DMRT1: variants seen among roughly 807,000 people sequenced by gnomAD.
DMRT1 encodes doublesex- and mab-3-related transcription factor 1.
DMRT1 carries 7 observed loss-of-function variants against 32.3 expected under a neutral mutation model. The observed-to-expected ratio is 0.22, with a 90% CI of 0.12 to 0.41. DMRT1 has a LOEUF of 0.41. Ranked by LOEUF, DMRT1 falls within the 10% of genes least tolerant of loss-of-function variation. The pLI is 1.00. For missense variants in DMRT1, 625 were observed against 500.5 expected, an observed-to-expected ratio of 1.25 and a Z score of -2.37; for synonymous variants, 278 against 206.1, an observed-to-expected ratio of 1.35 and a Z score of -2.99.
At chr9:963,251 A>G (rs570420258) in intron 4 of DMRT1, among the ~76,000 whole-genome samples, 4 of 152,272 alleles carry the variant, frequency 2.6e-5, no homozygotes, top group African/African-American at 9.6e-5. Context: ...TTCTCTCTAC[A>G]ATACGCAAAG....
rs767345718 is a variant in DMRT1, at chr9:926,686, G to GGA, written c.967+9779_967+9780insGA. 6.8e-4 allele frequency among the ~76,000 whole-genome samples: 102 copies of GGA among 149,094 alleles called. 1 individual carries two copies. The South Asian group carries it at 0.02, about 29-fold the overall frequency. On this transcript the variant is annotated intron_variant, in intron 4 of 4. Transcript: ENST00000382276. ...AGATTGCAGCCTAGAGAAGACACAG[G>GGA]TAGAGAGAGAGAGAGAGAGAGAGAG...
Position 968,336 on chromosome 9 carries a change from T to G in DMRT1, c.*197T>G, listed in dbSNP as rs970179962. 3.0e-5 allele frequency: 18 copies of G among 595,114 alleles called. No homozygotes were observed. Among genetic ancestry groups the G allele is most frequent in the Non-Finnish European group, 4.7e-5 (16 of 339,602 alleles). 36.9% of individuals were successfully genotyped at this position (595,114 alleles called of 1,614,324 possible). A position where few individuals can be genotyped will look rare whatever the true frequency, so the allele number is the denominator to read the frequency against. ...GGTCCGTGACTACCATCTGCATGGTTTAAGTGCTTTACTCACGGAGTTTAA... is the reference window on the plus strand; with the variant it reads ...GGTCCGTGACTACCATCTGCATGGTGTAAGTGCTTTACTCACGGAGTTTAA... On this transcript the variant is annotated 3_prime_UTR_variant, in exon 5 of 5. Transcript: ENST00000382276.
At chr9:956,450 G>A (rs540147060) in intron 4 of DMRT1, among the ~76,000 whole-genome samples, 1 of 152,130 alleles carries the variant, frequency 6.6e-6, no homozygotes, top group Non-Finnish European at 1.5e-5. Flanking sequence ...GGTAATCCCA[G>A]CACTTTGGGA....
At position 841,764 on chromosome 9, in the gene DMRT1, C is replaced by T; in HGVS notation, c.-75C>T. The T allele has an allele frequency of 3.9e-6, 6 of 1,552,590 alleles. No homozygotes were observed. Among genetic ancestry groups the T allele is most frequent in the Non-Finnish European group, 5.2e-6 (6 of 1,149,140 alleles). ...CCTCCTCCTCCGGAGCGTCGCTGTC[C>T]GTCGGGTTCATCCCTCGCAGCAGTC... On this transcript the variant is annotated 5_prime_UTR_variant, in exon 1 of 5. Transcript: ENST00000382276.
At chr9:866,742 T>C (rs1356509059) in intron 2 of DMRT1, among the ~76,000 whole-genome samples, 2 of 152,184 alleles carry the variant, frequency 1.3e-5, no homozygotes, top group African/African-American at 4.8e-5. Flanking sequence ...GACTGTCCCA[T>C]GGCTTCCCAC....
At chr9:940,643 G>A (rs1481899446) in intron 4 of DMRT1, among the ~76,000 whole-genome samples, 14 of 152,102 alleles carry the variant, frequency 9.2e-5, no homozygotes, top group Non-Finnish European at 1.9e-4. Context: ...ATTTGGCGAT[G>A]ACTTCTTGGA....
chr9:858,389 C>G (rs904158421), intron 2 of DMRT1, among the ~76,000 whole-genome samples: 1 of 152,160 alleles, frequency 6.6e-6, no homozygotes, highest in African/African-American at 2.4e-5. Context: ...TACTCAGCAG[C>G]ATCCCCCTGG....
At position 916,841 on chromosome 9, in the gene DMRT1, G is replaced by T; in HGVS notation, c.901G>T (p.Gly301Cys). 6.2e-7 allele frequency: 1 copy of T among 1,614,138 alleles called. No individual in the cohort carries two copies. The highest frequency in any genetic ancestry group is 8.5e-7 in the Non-Finnish European group (1 of 1,180,030). The part of the protein sequence containing the change: ...HSYYPPPSYL[G>C]QSVPQFFTFE... ...TTACTACCCGCCTCCCTCTTACCTG[G>T]GCCAGAGCGTGCCCCAGTTCTTCAC... is the stretch of plus-strand genomic sequence containing the variant. Residue 301 changes from glycine to cysteine, a missense_variant, in exon 4 of 5, where the codon GGC (glycine) becomes TGC (cysteine). Gly to Cys is a radical substitution (Grantham distance 159). Coordinates refer to ENST00000382276, the MANE Select transcript of DMRT1 (RefSeq NM_021951.3).
intron 2 of DMRT1, among the ~76,000 whole-genome samples, chr9:854,337 T>A (rs1352795006): frequency 6.6e-6 from 1 of 151,994 alleles, no homozygotes; most frequent in East Asian, 1.9e-4. Context: ...CAGGTTGGAG[T>A]GCAGTGGCGT....
intron 4 of DMRT1, among the ~76,000 whole-genome samples, chr9:956,287 T>G (rs569652599): frequency 1.3e-5 from 2 of 152,186 alleles, no homozygotes; most frequent in African/African-American, 4.8e-5. Context: ...GGATGGACAG[T>G]TGTTGTTTAA....
At chr9:844,352 CAATT>C (rs1838811387) in intron 1 of DMRT1, among the ~76,000 whole-genome samples, 1 of 147,992 alleles carries the variant, frequency 6.8e-6, no homozygotes, top group African/African-American at 2.7e-5. Flanking sequence ...CATTTTTAAT[CAATT>C]GTTATCCCCT....
At chr9:946,533 G>C (rs1564269489) in intron 4 of DMRT1, among the ~76,000 whole-genome samples, 8 of 152,270 alleles carry the variant, frequency 5.3e-5, no homozygotes, top group East Asian at 1.9e-4. Context: ...CATAAGACAA[G>C]CCCCGGCATA....
chr9:846,779 A>G (rs1262593128), intron 1 of DMRT1, among the ~76,000 whole-genome samples, 181 bp from the exon 2 acceptor site: 1 of 152,208 alleles, frequency 6.6e-6, no homozygotes, highest in South Asian at 2.1e-4. Flanking sequence ...TGTCTGGCTC[A>G]AAACTGTTTC....
At chr9:853,757 G>A (rs967900225) in intron 2 of DMRT1, among the ~76,000 whole-genome samples, 5 of 151,184 alleles carry the variant, frequency 3.3e-5, no homozygotes, top group African/African-American at 1.2e-4. Context: ...CGCCTGCCTC[G>A]GCCTCCCAAA....
At chr9:847,428 G>C (rs1315652866) in intron 2 of DMRT1, among the ~76,000 whole-genome samples, 2 of 152,176 alleles carry the variant, frequency 1.3e-5, no homozygotes, top group African/African-American at 4.8e-5. Flanking sequence ...TTTCATCTCA[G>C]TCCACCCCTT....
chr9:890,085 G>GTTT (rs35228255), intron 2 of DMRT1, among the ~76,000 whole-genome samples: 1,409 of 102,832 alleles, frequency 0.014, 36 homozygotes, highest in Non-Finnish European at 0.018. Context: ...CACCAAACGT[G>GTTT]TTTTTTTTTT....
At chr9:860,059 G>C (rs1297188868) in intron 2 of DMRT1, among the ~76,000 whole-genome samples, 1 of 152,202 alleles carries the variant, frequency 6.6e-6, no homozygotes, top group Non-Finnish European at 1.5e-5. Flanking sequence ...CACTTTGGGA[G>C]GCCGAGGTGG....
intron 2 of DMRT1, among the ~76,000 whole-genome samples, chr9:866,157 C>G (rs1271150931): frequency 1.2e-5 from 1 of 81,824 alleles, no homozygotes; most frequent in African/African-American, 4.5e-5. Flanking sequence ...GAGTGAGAGT[C>G]CATCTCAAAA....
Position 894,398 on chromosome 9 carries a change from T to G in DMRT1, c.822+203T>G. The G allele has an allele frequency of 4.8e-6, 3 of 631,052 alleles. No individual in the cohort carries two copies. In the South Asian group the frequency reaches 5.4e-5, roughly 11 times the overall value. 39.1% of individuals were successfully genotyped at this position (631,052 alleles called of 1,614,324 possible). ...ATATGCAAAATGTGTAAGGAATTTT[T>G]TACTCTGTCAATAATGCCCTTTAGC... On this transcript the variant is annotated intron_variant, in intron 3 of 4. Coordinates refer to ENST00000382276, the MANE Select transcript of DMRT1 (RefSeq NM_021951.3).
Sources: gnomAD v4.1 joint callset for allele counts (sites outside exome capture counted in the v4.1 genomes callset) on GRCh38, gnomAD v4.1.1 for gene constraint, MANE v1.5 for transcripts, NCBI Gene and HGNC (gene_info 2026-07-23, HGNC 2026-07-21) for gene names.